Variants in PRSS23 observed in about 807,000 individuals in gnomAD.
PRSS23 encodes serine protease 23, also known as protease, serine 23.
PRSS23 carries 25 observed loss-of-function variants against 34.7 expected under a neutral mutation model. The ratio of observed to expected loss-of-function variants is 0.72; its 90% confidence interval spans 0.53 to 1.01. PRSS23 has a LOEUF of 1.01. Ranked by LOEUF, PRSS23 falls within the 50% of genes least tolerant of loss-of-function variation. The probability of loss-of-function intolerance (pLI) is 0.00; values close to 1 mark genes in which losing one functional copy is unlikely to be tolerated. For synonymous variants in PRSS23, 176 were observed against 186.6 expected, an observed-to-expected ratio of 0.94 and a Z score of 0.46; for missense variants, 445 against 475.6, an observed-to-expected ratio of 0.94 and a Z score of 0.60.
chr11:86,844,821 G>A (rs550699579), intron 2 of PRSS23, among the ~76,000 whole-genome samples: 26 of 152,296 alleles, frequency 1.7e-4, no homozygotes, highest in Non-Finnish European at 2.8e-4. Flanking sequence ...TGGGCATGGC[G>A]GCTCATGCCT....
At chr11:86,888,414 CTG>C (rs1339830965) in intron 2 of PRSS23, among the ~76,000 whole-genome samples, 1 of 152,136 alleles carries the variant, frequency 6.6e-6, no homozygotes. Flanking sequence ...ATTTCAACAA[CTG>C]GGGGTAAATC....
chr11:86,833,013 A>AAAC, intron 2 of PRSS23: 1 of 433,632 alleles, frequency 2.3e-6, no homozygotes, highest in Non-Finnish European at 4.3e-6. Context: ...AGAAAAAAAA[A>AAAC]AACACAAAAC....
At chr11:86,939,424 A>ATTTTTTTTTTTTT (rs1346009599) in intron 2 of PRSS23, among the ~76,000 whole-genome samples, 2 of 84,002 alleles carry the variant, frequency 2.4e-5, no homozygotes, top group East Asian at 3.9e-4. Flanking sequence ...ATATATATAT[A>ATTTTTTTTTTTTT]TATTTTTTAA....
chr11:86,904,942 G>C (rs980381383), intron 2 of PRSS23, among the ~76,000 whole-genome samples: 3 of 152,056 alleles, frequency 2.0e-5, no homozygotes, highest in Admixed American at 2.0e-4. Flanking sequence ...TGTAGTCCCA[G>C]CTACTTGGGA....
At chr11:86,939,393 T>TAAAAAAAAAAAA (rs778076028) in intron 2 of PRSS23, among the ~76,000 whole-genome samples, 1 of 83,924 alleles carries the variant, frequency 1.2e-5, no homozygotes, top group African/African-American at 3.6e-5. Context: ...ATTTCTCAGT[T>TAAAAAAAAAAAA]AAAAAAAAAA....
intron 2 of PRSS23, among the ~76,000 whole-genome samples, chr11:86,824,452 G>C (rs1046288554): frequency 4.7e-5 from 7 of 150,410 alleles, no homozygotes; most frequent in Non-Finnish European, 1.0e-4. Flanking sequence ...ATGGAACCCA[G>C]TCTTTTTATC....
upstream of PRSS23, among the ~76,000 whole-genome samples, chr11:86,797,227 C>T (rs544526586): frequency 9.2e-5 from 14 of 152,194 alleles, no homozygotes; most frequent in South Asian, 4.1e-4. Context: ...TTGGTTCCCC[C>T]GACCCCCTCC....
intron 2 of PRSS23, among the ~76,000 whole-genome samples, chr11:86,835,113 C>T (rs748592880): frequency 1.3e-5 from 2 of 152,210 alleles, no homozygotes; most frequent in Admixed American, 6.5e-5. Flanking sequence ...CACAAGTGTG[C>T]AGTTGCAGCA....
chr11:86,886,666 C>T (rs761904357), intron 2 of PRSS23, among the ~76,000 whole-genome samples: 6 of 152,138 alleles, frequency 3.9e-5, no homozygotes, highest in Admixed American at 6.5e-5. Context: ...CAGCCAGGTG[C>T]GGTGGCTCAT....
chr11:86,945,364 C>CAA (rs58204343), intron 2 of PRSS23, among the ~76,000 whole-genome samples: 1,513 of 133,184 alleles, frequency 0.011, 11 homozygotes, highest in African/African-American at 0.014. Context: ...CTGAAAATGC[C>CAA]AAAAAAAAAA....
At chr11:86,854,743 T>A (rs1948556056) in intron 2 of PRSS23, among the ~76,000 whole-genome samples, 1 of 152,216 alleles carries the variant, frequency 6.6e-6, no homozygotes, top group African/African-American at 2.4e-5. Context: ...ATCAAGTTTC[T>A]CCAACACGAT....
chr11:86,804,517 G>A (rs1294077368), intron 1 of PRSS23, among the ~76,000 whole-genome samples: 1 of 152,160 alleles, frequency 6.6e-6, no homozygotes, highest in Non-Finnish European at 1.5e-5. Context: ...ATAGAAATTA[G>A]GACTTATTAA....
At chr11:86,891,768 C>G (rs553764651) in intron 2 of PRSS23, among the ~76,000 whole-genome samples, 13 of 152,136 alleles carry the variant, frequency 8.5e-5, no homozygotes, top group Admixed American at 2.6e-4. Flanking sequence ...GGCAGTTTCC[C>G]CCATGCTGTT....
upstream of PRSS23, among the ~76,000 whole-genome samples, chr11:86,796,458 G>A (rs1392498693): frequency 2.6e-5 from 4 of 151,722 alleles, no homozygotes; most frequent in Non-Finnish European, 5.9e-5. Context: ...TGGCTAACAC[G>A]GTGAAACCCC....
intron 2 of PRSS23, among the ~76,000 whole-genome samples, chr11:86,830,905 A>T (rs559193787): frequency 6.6e-6 from 1 of 152,092 alleles, no homozygotes; most frequent in East Asian, 1.9e-4. Flanking sequence ...GAAATATTCT[A>T]TGGGGATGTT....
At chr11:86,844,009 C>G (rs546111150) in intron 2 of PRSS23, among the ~76,000 whole-genome samples, 10 of 152,282 alleles carry the variant, frequency 6.6e-5, no homozygotes, top group South Asian at 2.1e-4. Context: ...GACTTGGAAC[C>G]AACCCAAATG....
intron 2 of PRSS23, among the ~76,000 whole-genome samples, chr11:86,835,874 C>A (rs548575170): frequency 1.3e-5 from 2 of 152,154 alleles, no homozygotes; most frequent in African/African-American, 4.8e-5. Context: ...AAATCATCCA[C>A]GTACCGAAGG....
At chr11:86,939,393 T>TAAAAAAAAAAAATATATATATATA (rs778076028) in intron 2 of PRSS23, among the ~76,000 whole-genome samples, 1 of 83,930 alleles carries the variant, frequency 1.2e-5, no homozygotes, top group East Asian at 3.2e-4. Context: ...ATTTCTCAGT[T>TAAAAAAAAAAAATATATATATATA]AAAAAAAAAA....
chr11:86,798,385 T>C (rs544064215), upstream of PRSS23, among the ~76,000 whole-genome samples: 49 of 152,218 alleles, frequency 3.2e-4, no homozygotes, highest in South Asian at 6.2e-4. Context: ...ACCTAAATAA[T>C]GTATTAGAGT....
Sources: allele counts gnomAD v4.1 joint callset (sites outside exome capture counted in the v4.1 genomes callset), GRCh38; gene constraint gnomAD v4.1.1; transcripts MANE v1.5; gene names NCBI Gene and HGNC (gene_info 2026-07-23, HGNC 2026-07-21).